The following DIP2C variants were observed in gnomAD, a reference collection of about 807,000 sequenced individuals.
The protein encoded by DIP2C is DIP2 acetate--CoA ligase C (putative).
A neutral mutation model predicts 192.4 loss-of-function variants in DIP2C; 33 were observed. The observed-to-expected ratio is 0.17, with a 90% confidence interval of 0.13 to 0.23. The LOEUF (loss-of-function observed/expected upper bound fraction) is 0.23. Among genes scored for constraint, DIP2C ranks in the 10% least tolerant of loss-of-function variants. The probability of loss-of-function intolerance (pLI) is 1.00; values close to 1 mark genes in which losing one functional copy is unlikely to be tolerated. For missense variants in DIP2C, 1,537 were observed against 2,110.1 expected (o/e 0.73, Z 5.32); for synonymous variants, 979 against 864.1 (o/e 1.13, Z -2.33).
At chr10:464,608 A>C (rs1970059895) in intron 3 of DIP2C, among the ~76,000 whole-genome samples, 1 of 152,244 alleles carries the variant, frequency 6.6e-6, no homozygotes, top group Non-Finnish European at 1.5e-5. Flanking sequence ...ATACCATTTG[A>C]TCAAGCAATC....
chr10:611,740 T>C (rs769728980), intron 1 of DIP2C, among the ~76,000 whole-genome samples: 1 of 152,220 alleles, frequency 6.6e-6, no homozygotes, highest in Non-Finnish European at 1.5e-5. Flanking sequence ...AGCAGTGCCA[T>C]GAGAGCAGGG....
intron 1 of DIP2C, among the ~76,000 whole-genome samples, chr10:645,797 G>C (rs1298889446): frequency 6.6e-6 from 1 of 152,252 alleles, no homozygotes; most frequent in East Asian, 1.9e-4. Context: ...TATTTCCCTA[G>C]GTTTGACGTG....
At chr10:653,517 C>T (rs1050591105) in intron 1 of DIP2C, among the ~76,000 whole-genome samples, 4 of 152,140 alleles carry the variant, frequency 2.6e-5, no homozygotes, top group South Asian at 2.1e-4. Flanking sequence ...GCCACGGCAA[C>T]GAAGCTGGCA....
intron 4 of DIP2C, among the ~76,000 whole-genome samples, chr10:432,776 T>C (rs143027200): frequency 2.4e-3 from 366 of 152,320 alleles, no homozygotes; most frequent in South Asian, 8.1e-3. Context: ...AACATATGCA[T>C]TTAAAGCTAT....
At chr10:495,879 C>T (rs1044029740) in intron 1 of DIP2C, among the ~76,000 whole-genome samples, 2 of 131,410 alleles carry the variant, frequency 1.5e-5, no homozygotes, top group African/African-American at 5.8e-5. Flanking sequence ...CCTCCCGTGT[C>T]CTTAAAATCT....
intron 29 of DIP2C, among the ~76,000 whole-genome samples, chr10:331,227 A>T (rs1564566693): frequency 6.6e-6 from 1 of 152,190 alleles, no homozygotes. Flanking sequence ...TCATCTAAAA[A>T]TTTTCATAAT....
intron 4 of DIP2C, among the ~76,000 whole-genome samples, chr10:426,325 T>C (rs1240093898): frequency 6.6e-6 from 1 of 152,166 alleles, no homozygotes; most frequent in Non-Finnish European, 1.5e-5. Context: ...TATAAAACAT[T>C]ACTGAAATTA....
chr10:620,145 C>T (rs764263212), intron 1 of DIP2C, among the ~76,000 whole-genome samples: 4 of 152,298 alleles, frequency 2.6e-5, no homozygotes, highest in Admixed American at 6.5e-5. Flanking sequence ...TCTGGCTGGA[C>T]GGAGAGCATT....
At chr10:627,651 G>A (rs945140922) in intron 1 of DIP2C, among the ~76,000 whole-genome samples, 5 of 152,220 alleles carry the variant, frequency 3.3e-5, no homozygotes, top group East Asian at 1.9e-4. Flanking sequence ...TTAGATGTCC[G>A]GGAGGTGTAA....
intron 1 of DIP2C, chr10:649,923 C>A: frequency 1.7e-6 from 1 of 585,418 alleles, no homozygotes; most frequent in Non-Finnish European, 3.0e-6. Context: ...CGTCCCCGTG[C>A]GTCACGGCGT....
intron 22 of DIP2C, among the ~76,000 whole-genome samples, chr10:358,671 T>G (rs1417318726): frequency 0.023 from 5 of 222 alleles, no homozygotes; most frequent in Non-Finnish European, 0.032. Flanking sequence ...GGGTGGGAGG[T>G]GGGGGACGGG....
intron 1 of DIP2C, among the ~76,000 whole-genome samples, chr10:520,273 G>A (rs1230988861): frequency 6.6e-6 from 1 of 152,134 alleles, no homozygotes; most frequent in African/African-American, 2.4e-5. Flanking sequence ...CAGAACCTCA[G>A]AACCAGAACA....
chr10:476,746 C>A (rs528781923), intron 2 of DIP2C, among the ~76,000 whole-genome samples: 1 of 152,268 alleles, frequency 6.6e-6, no homozygotes, highest in African/African-American at 2.4e-5. Flanking sequence ...GTTACAAGAA[C>A]AAAATCTGGC....
chr10:488,860 CA>C (rs1264628154), intron 1 of DIP2C, among the ~76,000 whole-genome samples: 1 of 152,230 alleles, frequency 6.6e-6, no homozygotes, highest in Non-Finnish European at 1.5e-5. Flanking sequence ...AGTTGTCTTA[CA>C]AACTGAAGCC....
At chr10:460,372 C>T (rs1969677460) in intron 3 of DIP2C, among the ~76,000 whole-genome samples, 1 of 152,150 alleles carries the variant, frequency 6.6e-6, no homozygotes, top group South Asian at 2.1e-4. Flanking sequence ...TCACTTACTT[C>T]CCAAATCAAG....
intron 1 of DIP2C, among the ~76,000 whole-genome samples, chr10:623,395 C>T (rs948714034): frequency 1.3e-5 from 2 of 150,600 alleles, no homozygotes; most frequent in African/African-American, 4.9e-5. Context: ...TCCCTCCAGC[C>T]GCACTTAGGT....
At chr10:623,329 A>G (rs1400523242) in intron 1 of DIP2C, among the ~76,000 whole-genome samples, 1 of 148,604 alleles carries the variant, frequency 6.7e-6, no homozygotes, top group Admixed American at 6.6e-5. Flanking sequence ...GATGCCTGCC[A>G]AGGGGACGCT....
At chr10:467,480 A>G (rs1970304336) in intron 3 of DIP2C, among the ~76,000 whole-genome samples, 3 of 150,310 alleles carry the variant, frequency 2.0e-5, no homozygotes, top group African/African-American at 7.3e-5. Flanking sequence ...ATGTATACAT[A>G]TGTAACTAAC....
rs143839957 is a variant in DIP2C at position 538,676 on chromosome 10, C to T, written c.86-52146G>A. On this transcript the variant is annotated intron_variant, in intron 1 of 36. Coordinates refer to ENST00000280886, the MANE Select transcript of DIP2C (RefSeq NM_014974.3). ...TCTCTAGCCAAACTTAAGAACCTCA[C>T]AAATAAGTCTAAGAACCTCAAATTA... Among the ~76,000 whole-genome samples the T allele has an allele frequency of 5.9e-3, 901 of 152,252 alleles. 4 individuals are homozygous for T. Among genetic ancestry groups the T allele is most frequent in the Non-Finnish European group, 0.01 (686 of 68,020 alleles).
Sources: allele counts gnomAD v4.1 joint callset (sites outside exome capture counted in the v4.1 genomes callset), GRCh38; gene constraint gnomAD v4.1.1; transcripts MANE v1.5; gene names NCBI Gene and HGNC (gene_info 2026-07-23, HGNC 2026-07-21).